Variants in PKHD1 observed in about 807,000 individuals in gnomAD.
PKHD1 encodes the protein PKHD1 ciliary IPT domain containing fibrocystin/polyductin, also known as fibrocystin.
Under a neutral mutation model 412.0 loss-of-function variants are expected in PKHD1, and 291 were observed. The ratio of observed to expected loss-of-function variants is 0.71; its 90% CI spans 0.64 to 0.78. PKHD1 has a LOEUF of 0.78. PKHD1 is among the 30% of genes least tolerant of loss of function. PKHD1 has a pLI of 0.00. For synonymous variants in PKHD1, 1,777 were observed against 1,821.5 expected (o/e 0.98, Z 0.62); for missense variants, 4,825 against 4,950.7 (o/e 0.97, Z 0.76).
chr6:51,847,536 T>C (rs1771406550), intron 50 of PKHD1, among the ~76,000 whole-genome samples: 1 of 152,200 alleles, frequency 6.6e-6, no homozygotes, highest in Admixed American at 6.5e-5. Context: ...CCTATGGTCA[T>C]ACTTCTCTAT....
intron 51 of PKHD1, among the ~76,000 whole-genome samples, chr6:51,831,865 G>T (rs1188508018): frequency 1.3e-5 from 2 of 152,084 alleles, no homozygotes; most frequent in Non-Finnish European, 2.9e-5. Flanking sequence ...TTCCAATGGG[G>T]ACTGTCCAAT....
intron 35 of PKHD1, among the ~76,000 whole-genome samples, chr6:52,003,345 A>G (rs917699962): frequency 6.6e-6 from 1 of 152,176 alleles, no homozygotes; most frequent in Non-Finnish European, 1.5e-5. Flanking sequence ...ACACTTAAAG[A>G]CCACAGCTTT....
chr6:51,862,262 A>G (rs1003519696), intron 48 of PKHD1, among the ~76,000 whole-genome samples: 1 of 152,216 alleles, frequency 6.6e-6, no homozygotes, highest in East Asian at 1.9e-4. Context: ...AGAGCTTTTT[A>G]TTCTGGAGAG....
chr6:51,721,425 C>A, intron 60 of PKHD1: 1 of 560,350 alleles, frequency 1.8e-6, no homozygotes, highest in Non-Finnish European at 2.3e-6. Flanking sequence ...ATAATAATAT[C>A]TCAATATAAT....
chr6:52,022,964 A>G lies in PKHD1; in HGVS notation c.5237-20T>C. 1 of 1,614,030 alleles carries G rather than the reference A, an allele frequency of 6.2e-7. No homozygotes were observed. Among genetic ancestry groups the G allele is most frequent in the Non-Finnish European group, 8.5e-7 (1 of 1,179,948 alleles). On this transcript the variant is annotated intron_variant, in intron 32 of 66. Transcript: ENST00000371117. Reference sequence around the variant, plus strand: ...GGCAGCCTTTAAAGACAAAGGTACAAGTTCTTGATCATACAGGCAAATCTC... The same window carrying G: ...GGCAGCCTTTAAAGACAAAGGTACAGGTTCTTGATCATACAGGCAAATCTC...
intron 36 of PKHD1, among the ~76,000 whole-genome samples, chr6:51,957,178 A>T (rs932044321): frequency 6.6e-6 from 1 of 152,082 alleles, no homozygotes; most frequent in African/African-American, 2.4e-5. Context: ...CCGCTTTTCC[A>T]TTCTAACTAA....
chr6:51,784,835 C>A lies in PKHD1; in HGVS notation c.8440+6401G>T, dbSNP rs565526767. On this transcript the variant is annotated intron_variant, in intron 53 of 66. Transcript: ENST00000371117. ...CAGCCTGAAATGCTATTGTTCAAGTCTTCGCAGGTCTAGCTTTTTCTTGTC... is the reference window on the plus strand; with the variant it reads ...CAGCCTGAAATGCTATTGTTCAAGTATTCGCAGGTCTAGCTTTTTCTTGTC... Among the ~76,000 whole-genome samples, 5 of 152,168 alleles carry A rather than the reference C, an allele frequency of 3.3e-5. No homozygotes were observed. The South Asian group carries it at 1.0e-3, about 32-fold the overall frequency.
At chr6:51,952,532 C>T (rs755015932) in intron 36 of PKHD1, among the ~76,000 whole-genome samples, 2 of 151,998 alleles carry the variant, frequency 1.3e-5, no homozygotes, top group Non-Finnish European at 2.9e-5. Context: ...TTATAAGCCT[C>T]CAAAATGGTA....
In PKHD1 at chr6:52,065,133, T is replaced by TTATATATATA. The variant is rs369093047; in HGVS notation, c.881-93_881-84dup. The TTATATATATA allele has an allele frequency of 2.7e-4, 36 of 132,288 alleles. 1 individual carries two copies. The highest frequency in any genetic ancestry group is 2.9e-3 in the Middle Eastern group (1 of 350). The allele number at this position is 132,288 out of a possible 1,614,324, so 8.2% of individuals were successfully genotyped here. ...TATATGTGTGTGGGTATATGTATAATTATATATATATATATATATATATAT... is the reference window on the plus strand; with the variant it reads ...TATATGTGTGTGGGTATATGTATAATTATATATATATATATATATATATATATATATATAT... On this transcript the variant is annotated intron_variant, in intron 12 of 66. Coordinates refer to ENST00000371117, the MANE Select transcript of PKHD1 (RefSeq NM_138694.4).
chr6:51,716,234 T>C (rs991090742), intron 60 of PKHD1, among the ~76,000 whole-genome samples: 1 of 152,154 alleles, frequency 6.6e-6, no homozygotes, highest in East Asian at 1.9e-4. Flanking sequence ...CTAGATGTAC[T>C]AATAAAAGAG....
intron 60 of PKHD1, among the ~76,000 whole-genome samples, chr6:51,681,760 T>C (rs1776694770): frequency 6.6e-6 from 1 of 152,078 alleles, no homozygotes; most frequent in African/African-American, 2.4e-5. Context: ...CACTGGCTAT[T>C]GTTATAAACA....
chr6:51,719,857 A>G (rs1025767313), intron 60 of PKHD1, among the ~76,000 whole-genome samples: 4 of 152,162 alleles, frequency 2.6e-5, no homozygotes, highest in Non-Finnish European at 4.4e-5. Context: ...TTTTAGCCCC[A>G]GCACCTAATA....
chr6:51,962,925 A>G (rs1384760332), intron 35 of PKHD1, among the ~76,000 whole-genome samples: 1 of 152,072 alleles, frequency 6.6e-6, no homozygotes, highest in East Asian at 1.9e-4. Context: ...TGAAGCAGAG[A>G]CTTGGTTTGG....
At chr6:52,078,310 C>T (rs545893326) in intron 5 of PKHD1, among the ~76,000 whole-genome samples, 3 of 152,218 alleles carry the variant, frequency 2.0e-5, no homozygotes, top group Admixed American at 6.5e-5. Context: ...AATGAGCTTC[C>T]AAATCAAGCT....
intron 5 of PKHD1, among the ~76,000 whole-genome samples, chr6:52,076,661 G>C (rs10948669): frequency 0.56 from 84,678 of 152,048 alleles, 26,083 homozygotes; most frequent in Non-Finnish European, 0.69. Flanking sequence ...TTTACTAGAA[G>C]GAAAGGTAGA....
In PKHD1 at chr6:51,856,033, T is replaced by A; in HGVS notation, c.7771A>T (p.Thr2591Ser). 3 of 1,608,842 alleles carry A rather than the reference T, an allele frequency of 1.9e-6. No individual in the cohort carries two copies. The highest frequency in any genetic ancestry group is 2.6e-6 in the Non-Finnish European group (3 of 1,175,358). The change falls in exon 49 of 67, where the codon ACT (threonine) becomes TCT (serine). Residue 2591 changes from threonine (T) to serine (S), a missense_variant. Physicochemically the swap from Thr to Ser is moderately conservative, Grantham distance 58. Transcript: ENST00000371117. Reference protein sequence around the residue: ...TPEVSYDLTMTDSRNKTTTVN... With the variant: ...TPEVSYDLTMSDSRNKTTTVN... The stretch of plus-strand genomic sequence containing the variant: ...GTGGTTGTTTTATTTCTGCTGTCAG[T>A]CATGGTTAAATCATAAGAAACTTCA...
At chr6:51,793,340 CTTAT>C (rs752620821) in intron 52 of PKHD1, among the ~76,000 whole-genome samples, 12 of 152,168 alleles carry the variant, frequency 7.9e-5, no homozygotes, top group African/African-American at 2.9e-4. Flanking sequence ...AATTTATTTA[CTTAT>C]TTATTTTATT....
intron 35 of PKHD1, among the ~76,000 whole-genome samples, chr6:51,998,915 T>C (rs2011138870): frequency 6.6e-6 from 1 of 152,212 alleles, no homozygotes; most frequent in African/African-American, 2.4e-5. Context: ...CTTTGTGGCA[T>C]TGTTGGGATA....
rs778301360 is a variant in PKHD1 at position 51,627,070 on chromosome 6, A to G, written c.11712T>C (p.Asn3904=). Residue 3904 remains asparagine, a synonymous_variant, in exon 66 of 67, where the codon AAT becomes AAC. Transcript: ENST00000371117. ...GTTTGGATGAGATGTGGATATGAAT[A>G]TTTTGATTATTAGTCTGGGATTCAG... ...EIPESQTNNQ[N]IHIHISSKRR... The G allele has an allele frequency of 1.2e-6, 2 of 1,610,012 alleles. No homozygotes were observed. The highest frequency in any genetic ancestry group is 1.1e-5 in the South Asian group (1 of 90,994).
Sources: gnomAD v4.1 joint callset for allele counts (sites outside exome capture counted in the v4.1 genomes callset) on GRCh38, gnomAD v4.1.1 for gene constraint, MANE v1.5 for transcripts, NCBI Gene and HGNC (gene_info 2026-07-23, HGNC 2026-07-21) for gene names.